NEK6: variants seen among roughly 807,000 people sequenced by gnomAD.
NEK6 encodes the protein serine/threonine-protein kinase Nek6.
Under a neutral mutation model 43.5 loss-of-function variants are expected in NEK6, and 27 were observed. That is an observed-to-expected ratio of 0.62 (90% CI 0.46 to 0.86). The LOEUF is 0.86. NEK6 is among the 40% of genes least tolerant of loss of function. The pLI, the probability that NEK6 is intolerant of heterozygous loss-of-function variation, is 0.00. For missense variants in NEK6, 318 were observed against 414.4 expected (o/e 0.77, Z 2.02); for synonymous variants, 167 against 164.1 (o/e 1.02, Z -0.14).
intron 1 of NEK6, among the ~76,000 whole-genome samples, chr9:124,264,435 T>C (rs1375124175): frequency 1.3e-5 from 2 of 152,140 alleles, no homozygotes; most frequent in Non-Finnish European, 2.9e-5. Context: ...CAGGCACCCT[T>C]GGGGGTGATC....
chr9:124,257,950 C>A lies in NEK6; in HGVS notation c.-165C>A, dbSNP rs1256443546. On this transcript the variant is annotated 5_prime_UTR_variant, in exon 1 of 10. Coordinates refer to ENST00000320246, the MANE Select transcript of NEK6 (RefSeq NM_014397.6). ...GCGCGGGCGCGCGGGCCCGCGCAGG[C>A]GGTGGCGGCGGCGGCGGAACCGAGC... 5.7e-5 allele frequency: 56 copies of A among 978,018 alleles called. No individual in the cohort carries two copies. The highest frequency in any genetic ancestry group is 6.4e-5 in the Non-Finnish European group (53 of 827,004). 60.6% of individuals were successfully genotyped at this position (978,018 alleles called of 1,614,324 possible).
intron 1 of NEK6, among the ~76,000 whole-genome samples, chr9:124,262,185 G>A (rs1831058442): frequency 6.6e-6 from 1 of 152,060 alleles, no homozygotes; most frequent in African/African-American, 2.4e-5. Context: ...TGACTCTTGG[G>A]TAATGGCAAG....
chr9:124,322,865 G>A (rs1188633250), intron 5 of NEK6, among the ~76,000 whole-genome samples: 1 of 152,248 alleles, frequency 6.6e-6, no homozygotes. Context: ...AGGCGTCACT[G>A]GGAAGTGGCA....
chr9:124,286,784 G>T (rs781720271), intron 1 of NEK6, among the ~76,000 whole-genome samples: 9 of 152,226 alleles, frequency 5.9e-5, no homozygotes, highest in Non-Finnish European at 5.9e-5. Flanking sequence ...ATGAGCTCCA[G>T]AGGCTGCCAG....
intron 7 of NEK6, among the ~76,000 whole-genome samples, chr9:124,337,184 A>G (rs1439921575): frequency 6.6e-6 from 1 of 152,082 alleles, no homozygotes; most frequent in Non-Finnish European, 1.5e-5. Context: ...AAATCCTCCC[A>G]TCTTTGCACG....
rs957652907 is a variant in NEK6 at position 124,352,474 on chromosome 9, G to C, written c.*1527G>C. On this transcript the variant is annotated 3_prime_UTR_variant, in exon 10 of 10. Transcript: ENST00000320246. ...TGGAGATTTTGCTTTTAAACCAGTA[G>C]ATTCAAAACTTAAACAGCGTCTGCA... is the stretch of plus-strand genomic sequence containing the variant. 6.6e-6 allele frequency: 1 copy of C among 152,224 alleles called. No homozygotes were observed. Among genetic ancestry groups the C allele is most frequent in the African/African-American group, 2.4e-5 (1 of 41,464 alleles). 9.4% of individuals were successfully genotyped at this position (152,224 alleles called of 1,614,324 possible).
rs548760435 is a variant in NEK6 at position 124,343,212 on chromosome 9, G to C, written c.717+3547G>C. ...GGGCTGTGCGGCTCGCAGCTGGGGG[G>C]GCTGGACCACAGCCGGGGGGCGGTG... On this transcript the variant is annotated intron_variant, in intron 8 of 9. Coordinates refer to ENST00000320246, the MANE Select transcript of NEK6 (RefSeq NM_014397.6). This position sits in a 1 kb window ranked among gnomAD's most constrained non-coding sequence, Gnocchi z 5.1. Among the ~76,000 whole-genome samples the C allele has an allele frequency of 1.3e-5, 2 of 151,546 alleles. No homozygotes were observed. The highest frequency in any genetic ancestry group is 2.4e-5 in the African/African-American group (1 of 41,180).
Position 124,326,890 on chromosome 9 carries a change from C to T in NEK6, c.515-448C>T, listed in dbSNP as rs532511898. On this transcript the variant is annotated intron_variant, in intron 6 of 9. Transcript: ENST00000320246. The surrounding 1 kb of genome is among the most constrained non-coding windows in gnomAD (Gnocchi z 4.5). The stretch of plus-strand genomic sequence containing the variant: ...TTTACGTAGGCTGCTTCATGGACAC[C>T]TCCGTTCCTTCACTCTACCTGTATC... Among the ~76,000 whole-genome samples the T allele has an allele frequency of 6.6e-6, 1 of 152,290 alleles. No individual in the cohort carries two copies. The highest frequency in any genetic ancestry group is 2.1e-4 in the South Asian group (1 of 4,828).
intron 1 of NEK6, among the ~76,000 whole-genome samples, chr9:124,270,153 G>T (rs1341795021): frequency 6.6e-6 from 1 of 152,022 alleles, no homozygotes; most frequent in Non-Finnish European, 1.5e-5. Context: ...TGCTGCCATT[G>T]GTCCTGCCTG....
chr9:124,338,348 C>T (rs1291373923), intron 7 of NEK6, among the ~76,000 whole-genome samples: 1 of 152,224 alleles, frequency 6.6e-6, no homozygotes, highest in Admixed American at 6.5e-5. Context: ...TGCTTCTTGG[C>T]CACTGGGATA....
chr9:124,329,191 T>C (rs2130967059), intron 7 of NEK6, among the ~76,000 whole-genome samples: 1 of 152,292 alleles, frequency 6.6e-6, no homozygotes, highest in South Asian at 2.1e-4. Context: ...TTTACTTCCC[T>C]TGTGAAAAAC....
chr9:124,287,334 G>A (rs1351753380), intron 1 of NEK6, among the ~76,000 whole-genome samples: 1 of 152,254 alleles, frequency 6.6e-6, no homozygotes, highest in African/African-American at 2.4e-5. Context: ...AGGTGGGCCT[G>A]GAGCACGACG....
chr9:124,321,989 C>A (rs1192042222), intron 5 of NEK6, among the ~76,000 whole-genome samples: 1 of 152,220 alleles, frequency 6.6e-6, no homozygotes, highest in African/African-American at 2.4e-5. Context: ...GGCAGCACCC[C>A]GTTTGGTCAG....
chr9:124,300,391 G>T (rs533343878), intron 1 of NEK6, among the ~76,000 whole-genome samples: 14 of 152,120 alleles, frequency 9.2e-5, no homozygotes, highest in Non-Finnish European at 1.9e-4. Flanking sequence ...GTGTTAATGG[G>T]GGCGTGGGTC....
intron 7 of NEK6, among the ~76,000 whole-genome samples, chr9:124,331,936 A>G (rs1167202109): frequency 1.3e-5 from 2 of 152,230 alleles, no homozygotes; most frequent in Admixed American, 6.5e-5. Flanking sequence ...CCTCGGGCCC[A>G]GAATCCCTGC....
chr9:124,258,275 G>A (rs1467120571), intron 1 of NEK6, 190 bp downstream of exon 1: 16 of 984,758 alleles, frequency 1.6e-5, no homozygotes, highest in Non-Finnish European at 1.9e-5. Flanking sequence ...CCGGGCGGGC[G>A]GGGGCGGCGT....
At chr9:124,264,461 A>C (rs561791607) in intron 1 of NEK6, among the ~76,000 whole-genome samples, 1 of 152,256 alleles carries the variant, frequency 6.6e-6, no homozygotes, top group Non-Finnish European at 1.5e-5. Flanking sequence ...TAGAAATTCA[A>C]CTTTAGGATT....
rs1247844679 is a variant in NEK6, at chr9:124,258,096, T to TG, written c.-30+15dup. ...CCCGCCCGCGCGCCGGTGAGTCGCC[T>TG]GGGGCTGGGGCCGGGCCGGTGGGGC... On this transcript the variant is annotated intron_variant, in intron 1 of 9. Transcript: ENST00000320246. 1.0e-6 allele frequency: 1 copy of TG among 977,448 alleles called. No homozygotes were observed. Among genetic ancestry groups the TG allele is most frequent in the African/African-American group, 1.8e-5 (1 of 56,026 alleles). The allele number at this position is 977,448 out of a possible 1,614,324, so 60.5% of individuals were successfully genotyped here. A position where few individuals can be genotyped will look rare whatever the true frequency, so the allele number is the denominator to read the frequency against.
In NEK6 at chr9:124,324,993, G is replaced by T. The variant is rs1289979233; in HGVS notation, c.406-1337G>T. Among the ~76,000 whole-genome samples, 1 of 152,146 alleles carries T rather than the reference G, an allele frequency of 6.6e-6. No individual in the cohort carries two copies. On this transcript the variant is annotated intron_variant, in intron 5 of 9. Transcript: ENST00000320246. This position sits in a 1 kb window ranked among gnomAD's most constrained non-coding sequence, Gnocchi z 5.3. Reference sequence around the variant, plus strand: ...AGTTCGAGACCAGCCTGGCTAACGTGGTGAAACCCCATCTCTACTAAAAAT... The same window carrying T: ...AGTTCGAGACCAGCCTGGCTAACGTTGTGAAACCCCATCTCTACTAAAAAT...
Sources: gnomAD v4.1 joint callset for allele counts (sites outside exome capture counted in the v4.1 genomes callset) on GRCh38, gnomAD v4.1.1 for gene constraint, Gnocchi (gnomAD v3.1) non-coding constraint, MANE v1.5 for transcripts, NCBI Gene and HGNC (gene_info 2026-07-23, HGNC 2026-07-21) for gene names.